The following SLC30A6 variants were observed in gnomAD, a reference collection of about 807,000 sequenced individuals.
SLC30A6 encodes zinc transporter 6.
A neutral mutation model predicts 63.0 loss-of-function variants in SLC30A6; 55 were observed. The ratio of observed to expected loss-of-function variants is 0.87; its 90% CI spans 0.70 to 1.09. The LOEUF is 1.09. Among genes scored for constraint, SLC30A6 ranks in the 50% least tolerant of loss-of-function variants. The pLI, the probability that SLC30A6 is intolerant of heterozygous loss-of-function variation, is 0.00. For missense variants in SLC30A6, 587 were observed against 549.2 expected (o/e 1.07, Z -0.69); for synonymous variants, 224 against 186.1 (o/e 1.20, Z -1.66).
intron 13 of SLC30A6, among the ~76,000 whole-genome samples, chr2:32,219,822 T>C (rs1295547452): frequency 6.6e-6 from 1 of 152,194 alleles, no homozygotes; most frequent in African/African-American, 2.4e-5. Flanking sequence ...GTGGAATGCG[T>C]CTCTACTTTT....
intron 5 of SLC30A6, among the ~76,000 whole-genome samples, chr2:32,190,842 T>G (rs1210635164): frequency 6.6e-6 from 1 of 152,176 alleles, no homozygotes; most frequent in Non-Finnish European, 1.5e-5. Flanking sequence ...GCCAGGCTGG[T>G]CTTGAACTGG....
chr2:32,198,476 C>G (rs1399983598), intron 10 of SLC30A6, among the ~76,000 whole-genome samples: 3 of 152,158 alleles, frequency 2.0e-5, no homozygotes, highest in African/African-American at 4.8e-5. Context: ...AACTCTGAAA[C>G]TGTTTTTTCT....
intron 10 of SLC30A6, chr2:32,203,084 A>G (rs1684437453): frequency 2.3e-6 from 3 of 1,308,036 alleles, no homozygotes; most frequent in South Asian, 1.2e-5. Flanking sequence ...CACAAAGAGA[A>G]TTTACACTAA....
chr2:32,201,985 A>T lies in SLC30A6; in HGVS notation c.666-2605A>T, dbSNP rs190264316. On this transcript the variant is annotated intron_variant, in intron 10 of 13. Coordinates refer to ENST00000282587, the MANE Select transcript of SLC30A6 (RefSeq NM_017964.5). ...TGAATTCTCTAAATCTCATAAGTCA[A>T]GAAGAAAAGATCTACTGAATGAGAT... 280 of 1,348,488 alleles carry T rather than the reference A, an allele frequency of 2.1e-4. 2 individuals are homozygous for T. The African/African-American group carries it at 2.9e-3, about 14-fold the overall frequency. The allele number at this position is 1,348,488 out of a possible 1,614,324, so 83.5% of individuals were successfully genotyped here.
chr2:32,185,752 C>T (rs1372206004), intron 5 of SLC30A6, among the ~76,000 whole-genome samples: 1 of 152,116 alleles, frequency 6.6e-6, no homozygotes, highest in Admixed American at 6.5e-5. Context: ...CGGATTCTCA[C>T]TCTGTCACCC....
intron 3 of SLC30A6, 32 bp from the exon 4 acceptor site, chr2:32,175,287 A>C: frequency 1.2e-6 from 2 of 1,602,404 alleles, no homozygotes; most frequent in Non-Finnish European, 1.7e-6. Context: ...GGGGTCAGTA[A>C]TACTTTTAAT....
intron 1 of SLC30A6, among the ~76,000 whole-genome samples, chr2:32,170,175 A>AT (rs1284223248): frequency 1.3e-5 from 2 of 152,166 alleles, no homozygotes; most frequent in African/African-American, 4.8e-5. Flanking sequence ...CAACTCCCAG[A>AT]TTATAAAATA....
chr2:32,185,469 A>T (rs1361586846), intron 5 of SLC30A6, among the ~76,000 whole-genome samples: 3 of 152,126 alleles, frequency 2.0e-5, no homozygotes, highest in Non-Finnish European at 4.4e-5. Context: ...ACTTGAAAGA[A>T]TTTTACTTTA....
At chr2:32,204,163 G>T (rs1489161914) in intron 10 of SLC30A6, among the ~76,000 whole-genome samples, 3 of 152,104 alleles carry the variant, frequency 2.0e-5, no homozygotes, top group African/African-American at 7.2e-5. Context: ...ATTGTAAACA[G>T]ATCTACTTAC....
chr2:32,171,882 T>C (rs1681254651), intron 2 of SLC30A6, among the ~76,000 whole-genome samples: 1 of 151,994 alleles, frequency 6.6e-6, no homozygotes, highest in East Asian at 1.9e-4. Flanking sequence ...TTAGTAGAGA[T>C]GGGGTTTCAC....
chr2:32,187,226 C>G (rs1267481473), intron 5 of SLC30A6: 5 of 470,898 alleles, frequency 1.1e-5, no homozygotes. Flanking sequence ...ATGCTCCTAT[C>G]AAGACCTTAA....
At chr2:32,176,259 ACTCT>A in intron 4 of SLC30A6, among the ~76,000 whole-genome samples, 1 of 152,166 alleles carries the variant, frequency 6.6e-6, no homozygotes, top group Non-Finnish European at 1.5e-5. Flanking sequence ...AATTAAAATT[ACTCT>A]GAGATGCTGT....
intron 12 of SLC30A6, among the ~76,000 whole-genome samples, chr2:32,207,560 G>A (rs212681): frequency 0.99 from 150,291 of 151,960 alleles, 74,322 homozygotes; most frequent in East Asian, 1. Flanking sequence ...TATTTTTAGT[G>A]GAGACAGGGT....
Position 32,203,706 on chromosome 2 carries a change from TC to T in SLC30A6, c.666-882del, listed in dbSNP as rs1684492530. ...GAAATGTGCGTGTTTGCTTTGATGT[TC>T]CTACAACTAAGTCAGAAAGGTTACA... On this transcript the variant is annotated intron_variant, in intron 10 of 13. Coordinates refer to ENST00000282587, the MANE Select transcript of SLC30A6 (RefSeq NM_017964.5). 6.5e-6 allele frequency: 10 copies of T among 1,534,570 alleles called. No individual in the cohort carries two copies. In the African/African-American group the frequency reaches 8.2e-5, roughly 13 times the overall value.
At chr2:32,195,383 T>G (rs1490742374) in intron 8 of SLC30A6, among the ~76,000 whole-genome samples, 2 of 152,084 alleles carry the variant, frequency 1.3e-5, no homozygotes, top group Non-Finnish European at 2.9e-5. Flanking sequence ...GCTTTTTGAT[T>G]AGCATTATGT....
chr2:32,188,972 CAT>C (rs1683081032), intron 5 of SLC30A6, among the ~76,000 whole-genome samples: 1 of 152,180 alleles, frequency 6.6e-6, no homozygotes, highest in Admixed American at 6.5e-5. Context: ...TCATTGCTCT[CAT>C]ATTCCATTAT....
intron 4 of SLC30A6, among the ~76,000 whole-genome samples, chr2:32,180,236 T>A (rs1043239461): frequency 6.6e-6 from 1 of 152,054 alleles, no homozygotes; most frequent in African/African-American, 2.4e-5. Context: ...ACCTCTTCTC[T>A]ACAAAAAATT....
Position 32,194,626 on chromosome 2 carries a change from C to G in SLC30A6, c.496+643C>G, listed in dbSNP as rs920324645. On this transcript the variant is annotated intron_variant, in intron 8 of 13. Coordinates refer to ENST00000282587, the MANE Select transcript of SLC30A6 (RefSeq NM_017964.5). ...GGTGAAAATAGAAGTGGGATGTGTG[C>G]ACAGACCCACACTTTGAAGTATAGA... Among the ~76,000 whole-genome samples, 7 of 152,108 alleles carry G rather than the reference C, an allele frequency of 4.6e-5. No homozygotes were observed. The South Asian group carries it at 1.4e-3, about 31-fold the overall frequency.
chr2:32,202,000 C>G (rs1684330925), intron 10 of SLC30A6: 2 of 1,252,804 alleles, frequency 1.6e-6, no homozygotes, highest in Non-Finnish European at 2.2e-6. Flanking sequence ...AAAAGATCTA[C>G]TGAATGAGAT....
Sources: allele counts gnomAD v4.1 joint callset (sites outside exome capture counted in the v4.1 genomes callset), GRCh38; gene constraint gnomAD v4.1.1; transcripts MANE v1.5; gene names NCBI Gene and HGNC (gene_info 2026-07-23, HGNC 2026-07-21).